Variants in MVP observed in about 807,000 individuals in gnomAD.
MVP encodes major vault protein, also known as lung resistance-related protein.
MVP carries 62 observed loss-of-function variants against 83.5 expected under a neutral mutation model. The ratio of observed to expected loss-of-function variants is 0.74; its 90% CI spans 0.61 to 0.92. MVP has a LOEUF of 0.92. Among genes scored for constraint, MVP ranks in the 40% least tolerant of loss-of-function variants. The pLI, the probability that MVP is intolerant of heterozygous loss-of-function variation, is 0.00. For synonymous variants in MVP, 505 were observed against 504.1 expected (o/e 1.00, Z -0.02); for missense variants, 1,000 against 1,203.4 (o/e 0.83, Z 2.50).
chr16:29,821,440 C>A (rs569821107), intron 1 of MVP: 1 of 152,372 alleles, frequency 6.6e-6, no homozygotes, highest in South Asian at 2.1e-4. Context: ...CTCAGGGCTC[C>A]AAGGTAACGG....
rs555841325 is a variant in MVP at position 29,831,837 on chromosome 16, G to A, written c.321+764G>A. The A allele has an allele frequency of 2.5e-4, 103 of 411,638 alleles. 2 individuals carry two copies. Among genetic ancestry groups the A allele is most frequent in the South Asian group, 1.6e-3 (94 of 57,218 alleles). 25.5% of individuals were successfully genotyped at this position (411,638 alleles called of 1,614,324 possible). The stretch of plus-strand genomic sequence containing the variant: ...AACCTACAGCCAGGCTCTTGTCCCC[G>A]TTGGCCTCAGGCCTGGGCCTGAGCA... On this transcript the variant is annotated intron_variant, in intron 3 of 14. Transcript: ENST00000357402.
intron 3 of MVP, among the ~76,000 whole-genome samples, chr16:29,832,474 T>C (rs945222018): frequency 6.6e-6 from 1 of 151,134 alleles, no homozygotes; most frequent in African/African-American, 2.4e-5. Flanking sequence ...ACTTTTTGTG[T>C]TTTTAGTAGA....
chr16:29,841,960 G>A lies in MVP; in HGVS notation c.1482G>A (p.Gln494=), dbSNP rs761000676. The change falls in exon 10 of 15, where the codon CAG becomes CAA. Residue 494 remains glutamine, a synonymous_variant. Transcript: ENST00000357402. This position sits in a 1 kb window ranked among gnomAD's most constrained non-coding sequence, Gnocchi z 4.7. ...PELVSLGPEE[Q]FTVLSLSAGR... is the part of the protein sequence containing the mutation. Reference sequence around the variant, plus strand: ...TGGTGTCGCTGGGTCCTGAGGAGCAGTTCACAGTGTTGTCCCTCTCAGCTG... The same window carrying A: ...TGGTGTCGCTGGGTCCTGAGGAGCAATTCACAGTGTTGTCCCTCTCAGCTG... 2 of 1,612,936 alleles carry A rather than the reference G, an allele frequency of 1.2e-6. No individual in the cohort carries two copies. Among genetic ancestry groups the A allele is most frequent in the Non-Finnish European group, 1.7e-6 (2 of 1,180,040 alleles).
At chr16:29,820,830 G>T (rs1900359286) in intron 1 of MVP, 1 of 152,186 alleles carries the variant, frequency 6.6e-6, no homozygotes, top group Non-Finnish European at 1.5e-5. Context: ...ACCTTACAGG[G>T]TCATTCAGAC....
Position 29,840,384 on chromosome 16 carries a change from G to A in MVP, c.1116G>A (p.Glu372=). 1 of 1,598,602 alleles carries A rather than the reference G, an allele frequency of 6.3e-7. No individual in the cohort carries two copies. The highest frequency in any genetic ancestry group is 1.1e-5 in the South Asian group (1 of 88,872). The part of the protein sequence containing the change: ...PLEYVPSAKV[E]VVEERQAIPL... ...AGTATGTGCCATCTGCCAAAGTGGA[G>A]GTGGTGGAGGAGCGCCAGGCCATCC... is the stretch of plus-strand genomic sequence containing the variant. Residue 372 remains glutamate (E), a synonymous_variant, in exon 8 of 15, where the codon GAG becomes GAA. Transcript: ENST00000357402.
Position 29,844,776 on chromosome 16 carries a change from G to A in MVP, c.1918G>A (p.Val640Met), listed in dbSNP as rs769496996. 9 of 1,610,834 alleles carry A rather than the reference G, an allele frequency of 5.6e-6. No individual in the cohort carries two copies. The East Asian group carries it at 6.7e-5, about 12-fold the overall frequency. ...QNGLVVSSVD[V>M]QSVEPVDQRT... ...CGGGCTGGTGGTCAGCAGTGTGGAC[G>A]TGCAGTCAGTGGAGCCTGTGGATCA... Residue 640 changes from valine (V) to methionine (M), a missense_variant, in exon 11 of 15, where the codon GTG becomes ATG. Physicochemically the swap from Val to Met is conservative, Grantham distance 21. Coordinates refer to ENST00000357402, the MANE Select transcript of MVP (RefSeq NM_005115.5).
chr16:29,830,778 C>T, intron 2 of MVP, 100 bp from the exon 3 acceptor site: 2 of 1,571,294 alleles, frequency 1.3e-6, no homozygotes, highest in South Asian at 1.2e-5. Context: ...CAGGAGTGGC[C>T]CTCGCTTGGG....
At chr16:29,822,993 C>T (rs1327835899) in intron 1 of MVP, among the ~76,000 whole-genome samples, 1 of 152,088 alleles carries the variant, frequency 6.6e-6, no homozygotes, top group Admixed American at 6.5e-5. Flanking sequence ...GCTGGGATTA[C>T]AGCCACTGCG....
intron 6 of MVP, 22 bp downstream of exon 6, chr16:29,835,820 G>GT: frequency 6.2e-7 from 1 of 1,607,406 alleles, no homozygotes; most frequent in Non-Finnish European, 8.5e-7. Flanking sequence ...GGGGGCTGTG[G>GT]TTTAAGGGAC....
At chr16:29,842,715 G>A (rs1394077248) in intron 10 of MVP, among the ~76,000 whole-genome samples, 2 of 152,178 alleles carry the variant, frequency 1.3e-5, no homozygotes, top group African/African-American at 4.8e-5. Context: ...TCAAGTGCTG[G>A]TGCTGGGCTC....
chr16:29,825,032 C>T (rs1258953929), intron 1 of MVP, among the ~76,000 whole-genome samples: 1 of 152,138 alleles, frequency 6.6e-6, no homozygotes, highest in African/African-American at 2.4e-5. Context: ...TGTGAGCCAC[C>T]TCTCTCAGGC....
At chr16:29,845,004 C>T (rs1427253645) in intron 11 of MVP, 125 bp downstream of exon 11, 2 of 1,293,682 alleles carry the variant, frequency 1.5e-6, no homozygotes, top group South Asian at 3.0e-5. Flanking sequence ...CTATTCCCTA[C>T]CCAACAGATC....
At chr16:29,847,625 G>C (rs531534024) in intron 14 of MVP, 137 bp from the exon 15 acceptor site, 1 of 1,006,488 alleles carries the variant, frequency 9.9e-7, no homozygotes, top group East Asian at 2.4e-5. Context: ...CAGTCTGACA[G>C]GCATTTCCAA....
chr16:29,835,699 C>A lies in MVP; in HGVS notation c.578-5C>A. The A allele has an allele frequency of 1.2e-6, 2 of 1,613,350 alleles. No homozygotes were observed. Among genetic ancestry groups the A allele is most frequent in the Non-Finnish European group, 1.7e-6 (2 of 1,179,686 alleles). On this transcript the variant is annotated splice_region_variant and splice_polypyrimidine_tract_variant and intron_variant, in intron 5 of 14. Coordinates refer to ENST00000357402, the MANE Select transcript of MVP (RefSeq NM_005115.5). Reference sequence around the variant, plus strand: ...CTTGTCCCTTACCCTCCACTCTTGGCCCAGGGGAAGAATGGCTGGTCACCA... The same window carrying A: ...CTTGTCCCTTACCCTCCACTCTTGGACCAGGGGAAGAATGGCTGGTCACCA...
Position 29,833,730 on chromosome 16 carries a change from T to C in MVP, c.322-3T>C. On this transcript the variant is annotated splice_polypyrimidine_tract_variant and splice_region_variant and intron_variant, in intron 3 of 14. Transcript: ENST00000357402. ...TCTGTGTCTCCACCTTCTTCCCCAC[T>C]AGGACATCACACCCCTGCAGGTGGT... is the stretch of plus-strand genomic sequence containing the variant. 6.2e-7 allele frequency: 1 copy of C among 1,613,936 alleles called. No individual in the cohort carries two copies. Among genetic ancestry groups the C allele is most frequent in the South Asian group, 1.1e-5 (1 of 91,072 alleles).
chr16:29,832,292 C>CTTTTTTTTTT (rs36059297), intron 3 of MVP, among the ~76,000 whole-genome samples: 1 of 107,310 alleles, frequency 9.3e-6, no homozygotes, highest in Non-Finnish European at 1.8e-5. Context: ...ATTCTTGTAC[C>CTTTTTTTTTT]TTTTTTTTTT....
chr16:29,833,903 G>A, intron 4 of MVP, 32 bp from the exon 5 acceptor site: 1 of 1,614,106 alleles, frequency 6.2e-7, no homozygotes, highest in Non-Finnish European at 8.5e-7. Flanking sequence ...TCATAGCCCT[G>A]ATACCTTCTG....
intron 13 of MVP, among the ~76,000 whole-genome samples, chr16:29,846,579 C>T (rs979515721): frequency 5.3e-5 from 8 of 152,182 alleles, no homozygotes; most frequent in African/African-American, 1.9e-4. Flanking sequence ...ATTAAGAGGC[C>T]GGGTGCAGTG....
chr16:29,840,587 G>C (rs1297757943), intron 8 of MVP, 128 bp downstream of exon 8: 1 of 1,090,914 alleles, frequency 9.2e-7, no homozygotes, highest in South Asian at 1.6e-5. Context: ...TGGGCTGTCT[G>C]GTTGGGGGAG....
Sources: allele counts gnomAD v4.1 joint callset (sites outside exome capture counted in the v4.1 genomes callset), GRCh38; gene constraint gnomAD v4.1.1; non-coding constraint Gnocchi (gnomAD v3.1); transcripts MANE v1.5; gene names NCBI Gene and HGNC (gene_info 2026-07-23, HGNC 2026-07-21).